The following RBM46 variants were observed in gnomAD, a reference collection of about 807,000 sequenced individuals.
The protein encoded by RBM46 is probable RNA-binding protein 46.
A neutral mutation model predicts 43.3 loss-of-function variants in RBM46; 12 were observed. The observed-to-expected ratio is 0.28, with a 90% CI of 0.18 to 0.45. RBM46 has a LOEUF of 0.45. Ranked by LOEUF, RBM46 falls within the 20% of genes least tolerant of loss-of-function variation. The probability of loss-of-function intolerance (pLI) is 1.00; values close to 1 mark genes in which losing one functional copy is unlikely to be tolerated. For missense variants in RBM46, 412 were observed against 639.1 expected (o/e 0.64, Z 3.83); for synonymous variants, 205 against 207.6 (o/e 0.99, Z 0.11).
intron 1 of RBM46, among the ~76,000 whole-genome samples, chr4:154,786,447 T>C (rs1733771476): frequency 6.6e-6 from 1 of 152,188 alleles, no homozygotes; most frequent in Non-Finnish European, 1.5e-5. Context: ...TATCTGAATC[T>C]ATTAATATTA....
In RBM46 at chr4:154,828,445, G is replaced by A. The variant is rs983195533; in HGVS notation, c.*378G>A. ...AAAGCACTTGAAGACAATGGTTATA[G>A]TAGATTTGATTACCAAGGATCACTA... On this transcript the variant is annotated 3_prime_UTR_variant, in exon 5 of 5. Coordinates refer to ENST00000281722, the MANE Select transcript of RBM46 (RefSeq NM_144979.5). 8 of 206,776 alleles carry A rather than the reference G, an allele frequency of 3.9e-5. No individual in the cohort carries two copies. The highest frequency in any genetic ancestry group is 1.9e-4 in the African/African-American group (8 of 41,270). 12.8% of individuals were successfully genotyped at this position (206,776 alleles called of 1,614,324 possible).
intron 4 of RBM46, among the ~76,000 whole-genome samples, chr4:154,809,955 G>T (rs1447189543): frequency 6.6e-6 from 1 of 152,024 alleles, no homozygotes; most frequent in Non-Finnish European, 1.5e-5. Flanking sequence ...TGATTATGAG[G>T]TAAAACCATA....
Position 154,811,669 on chromosome 4 carries a change from CTGTGTGTGTGTGTG to C in RBM46, c.1402+12124_1402+12137del, listed in dbSNP as rs70947182. Among the ~76,000 whole-genome samples, 1,124 of 130,828 alleles carry C rather than the reference CTGTGTGTGTGTGTG, an allele frequency of 8.6e-3. 6 individuals carry two copies. Among genetic ancestry groups the C allele is most frequent in the Non-Finnish European group, 0.013 (783 of 59,642 alleles). 85.8% of individuals were successfully genotyped at this position (130,828 alleles called of 152,430 possible). On this transcript the variant is annotated intron_variant, in intron 4 of 4. Transcript: ENST00000281722. Reference sequence around the variant, plus strand: ...ATAGGATATGTGTGTGTGTGTGTGTCTGTGTGTGTGTGTGTGTGTGTGTGTGTGTGTGACAGAGT... The same window carrying C: ...ATAGGATATGTGTGTGTGTGTGTGTCTGTGTGTGTGTGTGTGTGACAGAGT...
At chr4:154,812,765 A>G (rs1276350318) in intron 4 of RBM46, among the ~76,000 whole-genome samples, 2 of 152,046 alleles carry the variant, frequency 1.3e-5, no homozygotes, top group African/African-American at 2.4e-5. Context: ...GTTTGGCCCC[A>G]CTTAACCTAA....
chr4:154,803,512 C>T (rs1172206831), intron 4 of RBM46, among the ~76,000 whole-genome samples: 2 of 151,654 alleles, frequency 1.3e-5, no homozygotes, highest in African/African-American at 4.8e-5. Context: ...ACCATCCTGG[C>T]GAACACGGTG....
rs1203388833 is a variant in RBM46 at position 154,798,944 on chromosome 4, C to G, written c.782C>G (p.Pro261Arg). The change falls in exon 4 of 5, where the codon CCT (proline) becomes CGT (arginine). Residue 261 changes from proline (P) to arginine (R), a missense_variant. Physicochemically the swap from Pro to Arg is moderately radical, Grantham distance 103. Around this residue, in one of 8 missense-constraint regions of RBM46, gnomAD observed 54 missense variants for 102.5 expected, o/e 0.53. Coordinates refer to ENST00000281722, the MANE Select transcript of RBM46 (RefSeq NM_144979.5). ...TIKAEFNKFK[P>R]GAVERVKKLR... ...AAAGCAGAATTCAATAAATTTAAGC[C>G]TGGTGCAGTTGAACGGGTAAAGAAA... The G allele has an allele frequency of 1.2e-6, 2 of 1,613,474 alleles. No homozygotes were observed. Among genetic ancestry groups the G allele is most frequent in the South Asian group, 1.1e-5 (1 of 90,902 alleles).
At position 154,799,213 on chromosome 4, in the gene RBM46, C is replaced by T. The variant is rs752382982; in HGVS notation, c.1051C>T (p.Pro351Ser). ...PKTLGKLPTL[P>S]ARLNGQHSPS... ...AACTCTAGGCAAGCTGCCAACTCTT[C>T]CTGCTCGTCTCAATGGTCAGCATAG... Residue 351 changes from proline (P) to serine (S), a missense_variant, in exon 4 of 5, where the codon CCT (proline) becomes TCT (serine). Around this residue, in one of 8 missense-constraint regions of RBM46, gnomAD observed 105 missense variants for 111.0 expected, o/e 0.95. Coordinates refer to ENST00000281722, the MANE Select transcript of RBM46 (RefSeq NM_144979.5). 6.2e-7 allele frequency: 1 copy of T among 1,614,156 alleles called. No individual in the cohort carries two copies. The highest frequency in any genetic ancestry group is 2.2e-5 in the East Asian group (1 of 44,888).
chr4:154,817,371 C>T (rs1380750545), intron 4 of RBM46, among the ~76,000 whole-genome samples: 2 of 147,484 alleles, frequency 1.4e-5, no homozygotes, highest in African/African-American at 2.5e-5. Context: ...CTCATACTGT[C>T]GCCCAGGCTG....
chr4:154,787,269 G>A (rs914425976), intron 1 of RBM46: 4 of 151,596 alleles, frequency 2.6e-5, no homozygotes, highest in Non-Finnish European at 4.4e-5. Flanking sequence ...GTACACATAT[G>A]CCATGCTGCA....
intron 4 of RBM46, among the ~76,000 whole-genome samples, chr4:154,819,164 A>G (rs910426721): frequency 6.6e-6 from 1 of 152,186 alleles, no homozygotes; most frequent in Non-Finnish European, 1.5e-5. Context: ...ACGATGTTAT[A>G]TTTATTCATA....
intron 4 of RBM46, among the ~76,000 whole-genome samples, chr4:154,804,580 T>C (rs1046019239): frequency 2.6e-5 from 4 of 152,196 alleles, no homozygotes; most frequent in Admixed American, 2.6e-4. Flanking sequence ...AAGAGGAAGG[T>C]AGTCTTATCT....
chr4:154,824,270 T>A (rs1735850388), intron 4 of RBM46, among the ~76,000 whole-genome samples: 1 of 152,010 alleles, frequency 6.6e-6, no homozygotes, highest in Non-Finnish European at 1.5e-5. Flanking sequence ...CTTACTGGTG[T>A]GAATATAAAA....
chr4:154,788,162 T>C (rs564611580), intron 1 of RBM46, among the ~76,000 whole-genome samples: 1 of 152,350 alleles, frequency 6.6e-6, no homozygotes, highest in Admixed American at 6.5e-5. Context: ...TGGTAGTTTC[T>C]TTTGCTGTGC....
chr4:154,786,761 T>C (rs146478983), intron 1 of RBM46, among the ~76,000 whole-genome samples: 2 of 151,996 alleles, frequency 1.3e-5, no homozygotes, highest in African/African-American at 4.8e-5. Flanking sequence ...ACCCCACCTC[T>C]ACTAAAAATA....
chr4:154,820,393 T>C (rs1356020908), intron 4 of RBM46: 6 of 1,525,198 alleles, frequency 3.9e-6, no homozygotes. Context: ...AGCCTGGACC[T>C]GTGTAGAAGA....
intron 1 of RBM46, among the ~76,000 whole-genome samples, chr4:154,788,706 T>C (rs936016565): frequency 2.6e-5 from 4 of 152,178 alleles, no homozygotes; most frequent in African/African-American, 7.2e-5. Context: ...AGTAGTTTTT[T>C]CCCATTCTGT....
At chr4:154,808,092 A>T (rs1037791387) in intron 4 of RBM46, among the ~76,000 whole-genome samples, 5 of 152,044 alleles carry the variant, frequency 3.3e-5, no homozygotes, top group Non-Finnish European at 5.9e-5. Flanking sequence ...AGTATATAAG[A>T]GTACAATCAT....
At chr4:154,789,154 G>T (rs1733946792) in intron 1 of RBM46, among the ~76,000 whole-genome samples, 1 of 152,036 alleles carries the variant, frequency 6.6e-6, no homozygotes, top group African/African-American at 2.4e-5. Context: ...TTTCCTAATT[G>T]AATACCCTTT....
chr4:154,818,477 T>C (rs1735571689), intron 4 of RBM46, among the ~76,000 whole-genome samples: 1 of 152,208 alleles, frequency 6.6e-6, no homozygotes, highest in African/African-American at 2.4e-5. Context: ...GAACATACAT[T>C]GTGCCATCAT....
Sources: allele counts gnomAD v4.1 joint callset (sites outside exome capture counted in the v4.1 genomes callset), GRCh38; gene constraint gnomAD v4.1.1; regional missense constraint gnomAD v4.1.1; transcripts MANE v1.5; gene names NCBI Gene and HGNC (gene_info 2026-07-23, HGNC 2026-07-21).